The following ANKFN1 variants were observed in gnomAD, a reference collection of about 807,000 sequenced individuals.
The protein encoded by ANKFN1 is ankyrin repeat and fibronectin type-III domain-containing protein 1.
Under a neutral mutation model 108.7 loss-of-function variants are expected in ANKFN1, and 74 were observed. The observed-to-expected ratio is 0.68, with a 90% confidence interval of 0.56 to 0.83. The LOEUF (loss-of-function observed/expected upper bound fraction) is 0.83. ANKFN1 is among the 40% of genes least tolerant of loss of function. ANKFN1 has a pLI of 0.00. For missense variants in ANKFN1, 1,505 were observed against 1,382.3 expected, an observed-to-expected ratio of 1.09 and a Z score of -1.41; for synonymous variants, 547 against 516.2, an observed-to-expected ratio of 1.06 and a Z score of -0.81.
intron 3 of ANKFN1, among the ~76,000 whole-genome samples, chr17:56,266,386 A>G (rs1156544547): frequency 6.6e-6 from 1 of 151,932 alleles, no homozygotes; most frequent in South Asian, 2.1e-4. Context: ...CCCTCCCTCT[A>G]CTGTCAAAAT....
intron 3 of ANKFN1, among the ~76,000 whole-genome samples, chr17:56,316,479 A>C (rs2144480933): frequency 6.6e-6 from 1 of 152,260 alleles, no homozygotes; most frequent in East Asian, 1.9e-4. Context: ...TAGGCTGTGA[A>C]ATAAATGGAG....
At chr17:56,209,018 A>G (rs752782635) in intron 1 of ANKFN1, among the ~76,000 whole-genome samples, 1 of 152,196 alleles carries the variant, frequency 6.6e-6, no homozygotes, top group African/African-American at 2.4e-5. Flanking sequence ...AGCTGGGACT[A>G]CAGGCACATG....
intron 3 of ANKFN1, among the ~76,000 whole-genome samples, chr17:56,274,483 T>A (rs62073041): frequency 0.13 from 19,228 of 151,690 alleles, 1,316 homozygotes; most frequent in East Asian, 0.23. Context: ...AAAAAAATAA[T>A]AATAATAATA....
At chr17:56,131,747 CA>C (rs1480868155) in intron 4 of ANKFN1, among the ~76,000 whole-genome samples, 1 of 152,164 alleles carries the variant, frequency 6.6e-6, no homozygotes, top group Admixed American at 6.6e-5. Flanking sequence ...ATACTATGGT[CA>C]GGGGTGGTGG....
rs1283711758 is a variant in ANKFN1, at chr17:56,470,708, C to A, written c.1773+4137C>A. 2.0e-5 allele frequency among the ~76,000 whole-genome samples: 3 copies of A among 152,124 alleles called. 1 individual carries two copies. The highest frequency in any genetic ancestry group is 2.9e-5 in the Non-Finnish European group (2 of 68,016). On this transcript the variant is annotated intron_variant, in intron 15 of 20. Coordinates refer to ENST00000682825, the MANE Select transcript of ANKFN1 (RefSeq NM_001370326.1). The stretch of plus-strand genomic sequence containing the variant: ...TGGGCCCATAAATAATCTACGAATC[C>A]CTAGGGCCCCAGGGAAACTCCAGTG...
chr17:56,264,818 T>G (rs543476957), intron 3 of ANKFN1, among the ~76,000 whole-genome samples: 1 of 152,290 alleles, frequency 6.6e-6, no homozygotes, highest in South Asian at 2.1e-4. Context: ...CTTTCCATGA[T>G]TCGTAGTCCA....
chr17:56,385,014 C>A (rs1213051880), intron 8 of ANKFN1, among the ~76,000 whole-genome samples: 2 of 151,606 alleles, frequency 1.3e-5, no homozygotes, highest in Non-Finnish European at 2.9e-5. Flanking sequence ...ATCGCCAAGT[C>A]AATCCTAAGC....
chr17:56,206,226 G>T (rs1310309430), intron 1 of ANKFN1, among the ~76,000 whole-genome samples: 1 of 151,934 alleles, frequency 6.6e-6, no homozygotes, highest in Non-Finnish European at 1.5e-5. Flanking sequence ...TATTTTATTT[G>T]CTATGTTTTC....
At chr17:56,117,618 A>G (rs897670410) in intron 4 of ANKFN1, among the ~76,000 whole-genome samples, 2 of 152,286 alleles carry the variant, frequency 1.3e-5, no homozygotes, top group Middle Eastern at 3.4e-3. Flanking sequence ...CCAATTACAC[A>G]GGAGATAGCC....
intron 3 of ANKFN1, among the ~76,000 whole-genome samples, chr17:56,259,526 C>G (rs954757302): frequency 1.3e-5 from 2 of 152,100 alleles, no homozygotes; most frequent in African/African-American, 2.4e-5. Flanking sequence ...ACTTCTGTTT[C>G]CTCCTCCATA....
intron 14 of ANKFN1, among the ~76,000 whole-genome samples, chr17:56,463,210 G>A (rs996197032): frequency 6.6e-6 from 1 of 152,122 alleles, no homozygotes; most frequent in Admixed American, 6.5e-5. Context: ...ACAACCTAAT[G>A]AGAAAGTACT....
intron 6 of ANKFN1, among the ~76,000 whole-genome samples, chr17:56,362,166 A>G (rs1308299422): frequency 6.6e-6 from 1 of 152,208 alleles, no homozygotes; most frequent in African/African-American, 2.4e-5. Context: ...GGCCAATTGT[A>G]ATTGATTTCT....
intron 4 of ANKFN1, among the ~76,000 whole-genome samples, chr17:56,331,622 A>G (rs2045665706): frequency 6.6e-6 from 1 of 152,178 alleles, no homozygotes; most frequent in Non-Finnish European, 1.5e-5. Context: ...TGTTGTAAGT[A>G]TGGACTTTGG....
At chr17:56,313,293 G>A (rs1267836755) in intron 3 of ANKFN1, among the ~76,000 whole-genome samples, 1 of 152,198 alleles carries the variant, frequency 6.6e-6, no homozygotes, top group Admixed American at 6.5e-5. Context: ...AACAGGGACA[G>A]ATGTTTTAGT....
intron 1 of ANKFN1, among the ~76,000 whole-genome samples, chr17:56,196,474 C>A (rs1185208447): frequency 2.6e-5 from 4 of 152,130 alleles, no homozygotes; most frequent in African/African-American, 9.7e-5. Context: ...TGGCTCACAT[C>A]TGTAATCCTA....
chr17:56,223,436 C>G (rs373814521), intron 2 of ANKFN1, among the ~76,000 whole-genome samples: 2 of 151,938 alleles, frequency 1.3e-5, no homozygotes, highest in Non-Finnish European at 2.9e-5. Flanking sequence ...AATCAAAACA[C>G]AAGGAGTCAT....
rs1206239181 is a variant in ANKFN1, at chr17:56,515,740, C to T, written c.*4471C>T. ...GACTGTTTATGAAGCACTGATTTTGCCATATTTCGGGTCTCTGCTTTTTCC... is the reference window on the plus strand; with the variant it reads ...GACTGTTTATGAAGCACTGATTTTGTCATATTTCGGGTCTCTGCTTTTTCC... On this transcript the variant is annotated 3_prime_UTR_variant, in exon 21 of 21. Transcript: ENST00000682825. 6.6e-6 allele frequency among the ~76,000 whole-genome samples: 1 copy of T among 152,172 alleles called. No individual in the cohort carries two copies. The highest frequency in any genetic ancestry group is 1.5e-5 in the Non-Finnish European group (1 of 68,024).
intron 6 of ANKFN1, among the ~76,000 whole-genome samples, chr17:56,367,211 TA>T (rs1365455112): frequency 7.2e-5 from 11 of 152,184 alleles, no homozygotes; most frequent in African/African-American, 2.7e-4. Flanking sequence ...AATTCTTAAT[TA>T]AAAATTAAAA....
intron 6 of ANKFN1, among the ~76,000 whole-genome samples, chr17:56,361,002 C>G (rs1449122068): frequency 6.6e-6 from 1 of 152,100 alleles, no homozygotes; most frequent in South Asian, 2.1e-4. Context: ...TTCCCCACCC[C>G]TAGCCCATAG....
Sources: gnomAD v4.1 joint callset for allele counts (sites outside exome capture counted in the v4.1 genomes callset) on GRCh38, gnomAD v4.1.1 for gene constraint, MANE v1.5 for transcripts, NCBI Gene and HGNC (gene_info 2026-07-23, HGNC 2026-07-21) for gene names.